Variants in DOCK2 observed in about 807,000 individuals in gnomAD.
DOCK2 encodes dedicator of cytokinesis protein 2.
A neutral mutation model predicts 248.9 loss-of-function variants in DOCK2; 87 were observed. The ratio of observed to expected loss-of-function variants is 0.35; its 90% CI spans 0.29 to 0.42. DOCK2 has a LOEUF of 0.42. DOCK2 is among the 10% of genes least tolerant of loss of function. The probability of loss-of-function intolerance (pLI) is 1.00; values close to 1 mark genes in which losing one functional copy is unlikely to be tolerated. For missense variants in DOCK2, 1,747 were observed against 2,300.2 expected, an observed-to-expected ratio of 0.76 and a Z score of 4.92; for synonymous variants, 805 against 821.6, an observed-to-expected ratio of 0.98 and a Z score of 0.35.
At chr5:169,872,839 C>T (rs1215110316) in intron 27 of DOCK2, among the ~76,000 whole-genome samples, 10 of 152,222 alleles carry the variant, frequency 6.6e-5, no homozygotes, top group Admixed American at 6.5e-5. Context: ...CCTCTCTGAG[C>T]CTCAGTTTCC....
intron 27 of DOCK2, among the ~76,000 whole-genome samples, chr5:169,950,006 G>C (rs918442819): frequency 3.3e-5 from 5 of 152,148 alleles, no homozygotes; most frequent in Non-Finnish European, 5.9e-5. Flanking sequence ...AATGAAGGAG[G>C]GTTCTGCGTT....
At chr5:169,972,658 T>TCTGAG (rs1194916721) in intron 27 of DOCK2, among the ~76,000 whole-genome samples, 1 of 151,120 alleles carries the variant, frequency 6.6e-6, no homozygotes, top group Non-Finnish European at 1.5e-5. Context: ...CCCCTGTTAG[T>TCTGAG]CTGAGACCTT....
At chr5:169,915,935 CTT>C (rs1482586722) in intron 27 of DOCK2, among the ~76,000 whole-genome samples, 2 of 152,160 alleles carry the variant, frequency 1.3e-5, no homozygotes, top group African/African-American at 4.8e-5. Flanking sequence ...AAATCCTACT[CTT>C]AAGAAACGTT....
intron 27 of DOCK2, among the ~76,000 whole-genome samples, chr5:169,936,413 A>C (rs1030458023): frequency 1.3e-5 from 2 of 152,158 alleles, no homozygotes; most frequent in Non-Finnish European, 2.9e-5. Flanking sequence ...GGATCCAGGA[A>C]GTGAAGTGAT....
intron 27 of DOCK2, among the ~76,000 whole-genome samples, chr5:169,978,403 G>GA (rs1561863742): frequency 2.2e-5 from 3 of 133,366 alleles, no homozygotes; most frequent in Non-Finnish European, 4.9e-5. Context: ...GGGGGGGGGG[G>GA]GGTGTAGGTG....
intron 27 of DOCK2, chr5:169,882,593 C>T (rs1440690590): frequency 5.8e-6 from 9 of 1,550,800 alleles, no homozygotes; most frequent in Non-Finnish European, 7.9e-6. Flanking sequence ...TCTTGAATTA[C>T]ATTCAAAAGG....
chr5:169,638,430 C>A (rs2113060315), intron 1 of DOCK2, among the ~76,000 whole-genome samples: 1 of 152,266 alleles, frequency 6.6e-6, no homozygotes, highest in Admixed American at 6.5e-5. Flanking sequence ...ACAGCTTCTG[C>A]CCTTGAGGAG....
At chr5:169,964,142 A>G (rs1302775868) in intron 27 of DOCK2, among the ~76,000 whole-genome samples, 2 of 152,186 alleles carry the variant, frequency 1.3e-5, no homozygotes, top group Non-Finnish European at 2.9e-5. Flanking sequence ...TGACCAGAAC[A>G]TAATTCAGAT....
intron 50 of DOCK2, 69 bp from the exon 51 acceptor site, chr5:170,081,769 CCTGT>C: frequency 7.4e-7 from 1 of 1,358,396 alleles, no homozygotes; most frequent in Non-Finnish European, 9.8e-7. Context: ...CAGCCCTCCC[CCTGT>C]CTACCTCCCC....
chr5:170,083,112 C>G lies in DOCK2; in HGVS notation c.*254C>G. The G allele has an allele frequency of 2.0e-6, 1 of 497,548 alleles. No individual in the cohort carries two copies. Among genetic ancestry groups the G allele is most frequent in the South Asian group, 2.8e-5 (1 of 35,472 alleles). 30.8% of individuals were successfully genotyped at this position (497,548 alleles called of 1,614,324 possible). A position where few individuals can be genotyped will look rare whatever the true frequency, so the allele number is the denominator to read the frequency against. Reference sequence around the variant, plus strand: ...TGAACTCAAGGTACCAGCAAGAATGCCTTCTCCCAGTGTGCTCTCCCCAAC... The same window carrying G: ...TGAACTCAAGGTACCAGCAAGAATGGCTTCTCCCAGTGTGCTCTCCCCAAC... On this transcript the variant is annotated 3_prime_UTR_variant, in exon 52 of 52. Transcript: ENST00000520908.
At chr5:170,008,086 A>G (rs1361265954) in intron 30 of DOCK2, among the ~76,000 whole-genome samples, 1 of 152,144 alleles carries the variant, frequency 6.6e-6, no homozygotes, top group Non-Finnish European at 1.5e-5. Flanking sequence ...TCCCTGAACT[A>G]TCTTACCCTT....
intron 8 of DOCK2, among the ~76,000 whole-genome samples, chr5:169,685,912 C>A (rs367612841): frequency 7.9e-5 from 12 of 152,206 alleles, no homozygotes; most frequent in Admixed American, 5.9e-4. Flanking sequence ...CTATTTCCCA[C>A]GTAAGTCTGT....
In DOCK2 at chr5:169,859,438, T is replaced by G. The variant is rs1044613673; in HGVS notation, c.2799+18586T>G. Among the ~76,000 whole-genome samples, 15 of 152,360 alleles carry G rather than the reference T, an allele frequency of 9.8e-5. No homozygotes were observed. In the South Asian group the frequency reaches 3.1e-3, roughly 32 times the overall value. On this transcript the variant is annotated intron_variant, in intron 27 of 51. Coordinates refer to ENST00000520908, the MANE Select transcript of DOCK2 (RefSeq NM_004946.3). ...AATGCTGACAGTGTTGGATTAGGAT[T>G]TGTCCCCCGCACTTTTTCTTGCAAG...
At chr5:170,052,287 G>T (rs1354740427) in intron 41 of DOCK2, among the ~76,000 whole-genome samples, 1 of 152,096 alleles carries the variant, frequency 6.6e-6, no homozygotes, top group Non-Finnish European at 1.5e-5. Context: ...TGGTGGGCTG[G>T]GCTGGTTACA....
intron 25 of DOCK2, among the ~76,000 whole-genome samples, chr5:169,785,544 A>G (rs760425850): frequency 1.1e-4 from 16 of 152,202 alleles, no homozygotes; most frequent in Non-Finnish European, 2.4e-4. Context: ...TAATTTACCA[A>G]TATCAAATGA....
intron 26 of DOCK2, among the ~76,000 whole-genome samples, chr5:169,808,352 A>G (rs961573402): frequency 6.6e-6 from 1 of 151,970 alleles, no homozygotes; most frequent in African/African-American, 2.4e-5. Context: ...TCTTCAATAG[A>G]TTGTCATTGT....
chr5:169,800,676 A>G (rs538026951), intron 25 of DOCK2, among the ~76,000 whole-genome samples: 1 of 152,296 alleles, frequency 6.6e-6, no homozygotes, highest in African/African-American at 2.4e-5. Context: ...GTGACTCTGT[A>G]AATTGGGACT....
At chr5:169,723,777 A>G (rs973708498) in intron 22 of DOCK2, among the ~76,000 whole-genome samples, 7 of 151,972 alleles carry the variant, frequency 4.6e-5, no homozygotes, top group South Asian at 2.1e-4. Flanking sequence ...CTTCCTTTTG[A>G]TGTCTTTTTC....
intron 48 of DOCK2, among the ~76,000 whole-genome samples, 190 bp from the exon 49 acceptor site, chr5:170,078,785 A>G (rs1462943714): frequency 6.6e-6 from 1 of 152,200 alleles, no homozygotes; most frequent in Non-Finnish European, 1.5e-5. Flanking sequence ...AACTTTACTC[A>G]TCACATTTAA....
Sources: gnomAD v4.1 joint callset for allele counts (sites outside exome capture counted in the v4.1 genomes callset) on GRCh38, gnomAD v4.1.1 for gene constraint, MANE v1.5 for transcripts, NCBI Gene and HGNC (gene_info 2026-07-23, HGNC 2026-07-21) for gene names.